Variants in FOLH1 observed in about 807,000 individuals in gnomAD.
FOLH1 encodes the protein glutamate carboxypeptidase 2.
FOLH1 carries 54 observed loss-of-function variants against 93.9 expected under a neutral mutation model. The ratio of observed to expected loss-of-function variants is 0.57; its 90% CI spans 0.46 to 0.72. The LOEUF is 0.72. Among genes scored for constraint, FOLH1 ranks in the 30% least tolerant of loss-of-function variants. The pLI is 0.00. For missense variants in FOLH1, 571 were observed against 892.5 expected, an observed-to-expected ratio of 0.64 and a Z score of 4.59; for synonymous variants, 249 against 303.6, an observed-to-expected ratio of 0.82 and a Z score of 1.87.
At chr11:49,152,915 T>C (rs1193019513) in intron 17 of FOLH1, among the ~76,000 whole-genome samples, 1 of 152,264 alleles carries the variant, frequency 6.6e-6, no homozygotes, top group African/African-American at 2.4e-5. Context: ...TTTACTTTTA[T>C]AGCAGTTATA....
intron 18 of FOLH1, among the ~76,000 whole-genome samples, chr11:49,148,239 T>G (rs1360401336): frequency 8.0e-5 from 12 of 150,928 alleles, no homozygotes; most frequent in Middle Eastern, 3.4e-3. Context: ...ACATTATATA[T>G]AGAGAGATGT....
chr11:49,185,864 C>T lies in FOLH1; in HGVS notation c.640-9G>A. The T allele has an allele frequency of 6.6e-7, 1 of 1,522,728 alleles. No individual in the cohort carries two copies. Among genetic ancestry groups the T allele is most frequent in the Non-Finnish European group, 8.8e-7 (1 of 1,141,306 alleles). 94.3% of individuals were successfully genotyped at this position (1,522,728 alleles called of 1,614,324 possible). On this transcript the variant is annotated splice_polypyrimidine_tract_variant and intron_variant, in intron 5 of 18. Coordinates refer to ENST00000256999, the MANE Select transcript of FOLH1 (RefSeq NM_004476.3). Reference sequence around the variant, plus strand: ...AGCTGGGCATTTTTAACCTAGAAAACACAGTGTCTTTCTTTCCTTATTTTA... The same window carrying T: ...AGCTGGGCATTTTTAACCTAGAAAATACAGTGTCTTTCTTTCCTTATTTTA...
At chr11:49,175,569 C>T (rs1859903881) in intron 8 of FOLH1, among the ~76,000 whole-genome samples, 1 of 152,154 alleles carries the variant, frequency 6.6e-6, no homozygotes, top group Admixed American at 6.5e-5. Flanking sequence ...ATTATTGATT[C>T]TGAAGCTGCA....
chr11:49,206,867 C>G (rs1166266002), intron 1 of FOLH1: 2 of 1,362,216 alleles, frequency 1.5e-6, no homozygotes, highest in African/African-American at 2.9e-5. Flanking sequence ...TTGCAGTTGG[C>G]TTTTAACCTG....
At chr11:49,176,990 G>A (rs1050200083) in intron 7 of FOLH1, among the ~76,000 whole-genome samples, 1 of 152,196 alleles carries the variant, frequency 6.6e-6, no homozygotes, top group Non-Finnish European at 1.5e-5. Context: ...TGCACTCCAG[G>A]CTGTGCGGTG....
At chr11:49,198,167 G>A (rs1159733695) in intron 3 of FOLH1, among the ~76,000 whole-genome samples, 2 of 151,584 alleles carry the variant, frequency 1.3e-5, no homozygotes, top group South Asian at 2.1e-4. Context: ...GGGAAGTGAG[G>A]AGGAACGAAA....
chr11:49,186,669 T>C lies in FOLH1; in HGVS notation c.614A>G (p.Tyr205Cys). The C allele has an allele frequency of 6.2e-7, 1 of 1,613,354 alleles. No homozygotes were observed. The highest frequency in any genetic ancestry group is 1.1e-5 in the South Asian group (1 of 90,852). ...CTTATTTCCTCTGAAAACTTTCCCA[T>C]ATCTGGCAATTACAATTTTCCCAGA... ...NCSGKIVIAR[Y>C]GKVFRGNKVK... is the part of the protein sequence containing the mutation. Residue 205 changes from tyrosine (Y) to cysteine (C), a missense_variant, in exon 5 of 19, where the codon TAT (tyrosine) becomes TGT (cysteine). Around this residue, in one of 2 missense-constraint regions of FOLH1, gnomAD observed 500 missense variants for 822.9 expected, o/e 0.61. Coordinates refer to ENST00000256999, the MANE Select transcript of FOLH1 (RefSeq NM_004476.3).
At chr11:49,190,581 G>C (rs898009842) in intron 4 of FOLH1, among the ~76,000 whole-genome samples, 1 of 152,072 alleles carries the variant, frequency 6.6e-6, no homozygotes, top group East Asian at 1.9e-4. Context: ...ACAATATCAC[G>C]CTTGTTACAA....
chr11:49,181,071 T>C (rs2135156727), intron 7 of FOLH1, among the ~76,000 whole-genome samples: 1 of 152,246 alleles, frequency 6.6e-6, no homozygotes, highest in African/African-American at 2.4e-5. Context: ...CATCCCTCTT[T>C]TGTAATTACA....
At chr11:49,182,606 TGAG>T (rs1860897303) in intron 7 of FOLH1, among the ~76,000 whole-genome samples, 1 of 151,856 alleles carries the variant, frequency 6.6e-6, no homozygotes, top group Non-Finnish European at 1.5e-5. Flanking sequence ...GTGTGGAAAA[TGAG>T]GAGAGAGCTA....
intron 4 of FOLH1, among the ~76,000 whole-genome samples, chr11:49,191,074 C>G (rs1397636722): frequency 6.6e-6 from 1 of 152,116 alleles, no homozygotes; most frequent in Non-Finnish European, 1.5e-5. Flanking sequence ...TCAGGAGGCG[C>G]GATCTCGGCT....
chr11:49,186,670 A>G lies in FOLH1; in HGVS notation c.613T>C (p.Tyr205His). Residue 205 changes from tyrosine to histidine, a missense_variant, in exon 5 of 19, where the codon TAT becomes CAT. Tyr to His is a moderately conservative substitution (Grantham distance 83, BLOSUM62 2). Transcript: ENST00000256999. ...NCSGKIVIARYGKVFRGNKVK... is the reference protein window; with the variant it reads ...NCSGKIVIARHGKVFRGNKVK... ...TTATTTCCTCTGAAAACTTTCCCAT[A>G]TCTGGCAATTACAATTTTCCCAGAG... 1 of 1,613,304 alleles carries G rather than the reference A, an allele frequency of 6.2e-7. No individual in the cohort carries two copies. Among genetic ancestry groups the G allele is most frequent in the South Asian group, 1.1e-5 (1 of 90,852 alleles).
intron 10 of FOLH1, 149 bp from the exon 11 acceptor site, chr11:49,171,426 T>C: frequency 1.8e-6 from 2 of 1,125,436 alleles, no homozygotes; most frequent in South Asian, 1.8e-5. Flanking sequence ...TTACGTAACT[T>C]TTTTTGTAAG....
intron 7 of FOLH1, among the ~76,000 whole-genome samples, chr11:49,181,759 A>G (rs564533417): frequency 1.2e-4 from 18 of 152,206 alleles, no homozygotes; most frequent in Admixed American, 9.2e-4. Flanking sequence ...CTGAATCTTA[A>G]CCAATGCAGT....
At position 49,146,965 on chromosome 11, in the gene FOLH1, C is replaced by T; in HGVS notation, c.2064-20G>A. On this transcript the variant is annotated intron_variant, in intron 18 of 18. Coordinates refer to ENST00000256999, the MANE Select transcript of FOLH1 (RefSeq NM_004476.3). ...ACATGCCTGTTGATAAAATCGTTTG[C>T]TGTTTATTAGGTGCCCAAATGATAT... The T allele has an allele frequency of 6.2e-7, 1 of 1,602,110 alleles. No individual in the cohort carries two copies. The highest frequency in any genetic ancestry group is 8.5e-7 in the Non-Finnish European group (1 of 1,173,420).
intron 2 of FOLH1, among the ~76,000 whole-genome samples, chr11:49,201,962 T>C (rs576465529): frequency 6.6e-6 from 1 of 152,230 alleles, no homozygotes. Context: ...TTTGCTATTA[T>C]CAGGGTTGGG....
At chr11:49,193,994 C>T (rs577793912) in intron 3 of FOLH1, among the ~76,000 whole-genome samples, 2 of 151,974 alleles carry the variant, frequency 1.3e-5, no homozygotes, top group South Asian at 2.1e-4. Flanking sequence ...CGCGTCTCTA[C>T]TAAAAATACA....
rs1855827215 is a variant in FOLH1 at position 49,146,916 on chromosome 11, T to C, written c.2093A>G (p.Asn698Ser). ...TGGGAATGACTCCCCTGCATACTTG[T>C]TGTGGCTGCTTGGAGCATAGATGAC... is the stretch of plus-strand genomic sequence containing the variant. ...RHVIYAPSSHNKYAGESFPGI... is the reference protein window; with the variant it reads ...RHVIYAPSSHSKYAGESFPGI... The change falls in exon 19 of 19, where the codon AAC (asparagine) becomes AGC (serine). Residue 698 changes from asparagine (N) to serine (S), a missense_variant. This residue lies in a region of FOLH1 where 500 missense variants were observed against 822.9 expected (regional missense o/e 0.61). Coordinates refer to ENST00000256999, the MANE Select transcript of FOLH1 (RefSeq NM_004476.3). 1 of 1,612,518 alleles carries C rather than the reference T, an allele frequency of 6.2e-7. No homozygotes were observed. Among genetic ancestry groups the C allele is most frequent in the Non-Finnish European group, 8.5e-7 (1 of 1,179,232 alleles).
At chr11:49,183,361 A>G (rs1861008004) in intron 6 of FOLH1, 119 bp from the exon 7 acceptor site, 1 of 748,870 alleles carries the variant, frequency 1.3e-6, no homozygotes, top group Admixed American at 3.2e-5. Context: ...AGTAAAACAG[A>G]TTAACAATTC....
Sources: gnomAD v4.1 joint callset for allele counts (sites outside exome capture counted in the v4.1 genomes callset) on GRCh38, gnomAD v4.1.1 for gene constraint, gnomAD v4.1.1 regional missense constraint, MANE v1.5 for transcripts, NCBI Gene and HGNC (gene_info 2026-07-23, HGNC 2026-07-21) for gene names.